PSME4: variants seen among roughly 807,000 people sequenced by gnomAD.
PSME4 encodes the protein proteasome activator complex subunit 4.
In PSME4, 89 loss-of-function variants were observed where a neutral mutation model predicts 253.9. That is an observed-to-expected ratio of 0.35 (90% CI 0.30 to 0.42). The LOEUF (loss-of-function observed/expected upper bound fraction) is 0.42. Ranked by LOEUF, PSME4 falls within the 10% of genes least tolerant of loss-of-function variation. The pLI is 1.00. For missense variants in PSME4, 2,014 were observed against 2,195.2 expected, an observed-to-expected ratio of 0.92 and a Z score of 1.65; for synonymous variants, 851 against 759.2, an observed-to-expected ratio of 1.12 and a Z score of -1.99.
chr2:53,889,104 A>G (rs544303557), intron 37 of PSME4, among the ~76,000 whole-genome samples: 30 of 152,234 alleles, frequency 2.0e-4, no homozygotes, highest in Admixed American at 6.5e-4. Flanking sequence ...GCCCCAAGCT[A>G]TCTTCCTGCC....
intron 1 of PSME4, among the ~76,000 whole-genome samples, chr2:53,960,653 T>C (rs1445337992): frequency 6.6e-6 from 1 of 152,200 alleles, no homozygotes; most frequent in African/African-American, 2.4e-5. Context: ...GGGGAAGTCA[T>C]TTAATCTCCA....
At chr2:53,886,230 A>G (rs1348224753) in intron 40 of PSME4, among the ~76,000 whole-genome samples, 1 of 152,182 alleles carries the variant, frequency 6.6e-6, no homozygotes, top group Non-Finnish European at 1.5e-5. Context: ...CAACATATGG[A>G]GACCCCTGTC....
At chr2:53,920,851 A>G (rs1293753424) in intron 18 of PSME4, 38 bp downstream of exon 18, 2 of 1,504,494 alleles carry the variant, frequency 1.3e-6, no homozygotes, top group Non-Finnish European at 1.8e-6. Flanking sequence ...ACAAAAAATC[A>G]ACATATTCTT....
chr2:53,958,183 CAA>C (rs1211892917), intron 1 of PSME4, among the ~76,000 whole-genome samples: 28 of 65,772 alleles, frequency 4.3e-4, no homozygotes, highest in African/African-American at 7.9e-4. Context: ...AAGACTCTGT[CAA>C]AAAAAAAAAA....
At chr2:53,954,913 C>T (rs1187131524) in intron 1 of PSME4, among the ~76,000 whole-genome samples, 1 of 151,970 alleles carries the variant, frequency 6.6e-6, no homozygotes, top group African/African-American at 2.4e-5. Context: ...GACACTGTGG[C>T]TCACGTCTAT....
chr2:53,948,261 T>C (rs1481444737), intron 3 of PSME4, among the ~76,000 whole-genome samples, 160 bp downstream of exon 3: 1 of 152,218 alleles, frequency 6.6e-6, no homozygotes, highest in Non-Finnish European at 1.5e-5. Flanking sequence ...ATACAGTTTA[T>C]AGAGGGCAAT....
intron 1 of PSME4, among the ~76,000 whole-genome samples, chr2:53,961,846 G>C (rs1275294636): frequency 1.3e-5 from 2 of 152,200 alleles, no homozygotes; most frequent in Non-Finnish European, 2.9e-5. Flanking sequence ...AAAGGAGACA[G>C]GGTCATTTAT....
chr2:53,905,166 A>T (rs1240847313), intron 26 of PSME4, among the ~76,000 whole-genome samples: 1 of 150,330 alleles, frequency 6.7e-6, no homozygotes, highest in Non-Finnish European at 1.5e-5. Context: ...TGTAGCTGGG[A>T]CTATAGGCGC....
chr2:53,919,140 T>G lies in PSME4; in HGVS notation c.2516+11A>C. On this transcript the variant is annotated intron_variant, in intron 20 of 46. Transcript: ENST00000404125. ...ATATATGTTAAGTGGAAAACAGTTA[T>G]TTTTACTTACAAGTTAGTAACTGGC... 6.2e-7 allele frequency: 1 copy of G among 1,603,636 alleles called. No individual in the cohort carries two copies. The highest frequency in any genetic ancestry group is 8.5e-7 in the Non-Finnish European group (1 of 1,175,660).
intron 41 of PSME4, among the ~76,000 whole-genome samples, chr2:53,880,118 T>C (rs576322648): frequency 6.6e-6 from 1 of 152,198 alleles, no homozygotes; most frequent in East Asian, 1.9e-4. Flanking sequence ...ATGAGCAGTA[T>C]AAGGGTATTT....
intron 21 of PSME4, among the ~76,000 whole-genome samples, chr2:53,909,185 CTAAT>C (rs558854476): frequency 1.8e-3 from 279 of 152,236 alleles, no homozygotes; most frequent in Non-Finnish European, 3.3e-3. Context: ...GCTCTAGTCA[CTAAT>C]TAGAGATTAA....
intron 3 of PSME4, among the ~76,000 whole-genome samples, chr2:53,945,589 T>C (rs1229301597): frequency 6.6e-6 from 1 of 152,146 alleles, no homozygotes; most frequent in African/African-American, 2.4e-5. Context: ...GAGAGGAAAG[T>C]TGATAATCTT....
In PSME4 at chr2:53,867,455, C is replaced by A. The variant is rs187621289; in HGVS notation, c.5264-575G>T. ...CAGAGGCTGCAGTGAGCCAAGATCG[C>A]ACCACTGTACTCCAGCCTGGGATAC... On this transcript the variant is annotated intron_variant, in intron 44 of 46. Coordinates refer to ENST00000404125, the MANE Select transcript of PSME4 (RefSeq NM_014614.3). Among the ~76,000 whole-genome samples, 120 of 148,158 alleles carry A rather than the reference C, an allele frequency of 8.1e-4. 1 individual carries two copies. Among genetic ancestry groups the A allele is most frequent in the African/African-American group, 2.9e-3 (117 of 39,938 alleles).
At chr2:53,899,604 G>A (rs1680299006) in intron 29 of PSME4, among the ~76,000 whole-genome samples, 1 of 151,750 alleles carries the variant, frequency 6.6e-6, no homozygotes, top group Admixed American at 6.6e-5. Flanking sequence ...GATCACTTGA[G>A]GCCAGGAGTT....
At chr2:53,928,515 A>G (rs964879673) in intron 10 of PSME4, among the ~76,000 whole-genome samples, 1 of 111,574 alleles carries the variant, frequency 9.0e-6, no homozygotes, top group African/African-American at 3.6e-5. Context: ...GGTTAACCAA[A>G]TATTTGTGTC....
intron 34 of PSME4, among the ~76,000 whole-genome samples, 178 bp from the exon 35 acceptor site, chr2:53,893,977 A>G (rs979943982): frequency 2.0e-5 from 3 of 152,204 alleles, no homozygotes; most frequent in African/African-American, 7.2e-5. Context: ...CCCTCTAAAA[A>G]TGCTAAAACA....
At chr2:53,918,945 C>T (rs1457765894) in intron 20 of PSME4, among the ~76,000 whole-genome samples, 1 of 152,118 alleles carries the variant, frequency 6.6e-6, no homozygotes, top group Non-Finnish European at 1.5e-5. Flanking sequence ...TAAAGTTATT[C>T]TATCCTGGTA....
Position 53,910,130 on chromosome 2 carries a change from T to A in PSME4, c.2517A>T (p.Leu839Phe). ...PPLKGEPVTN[L>F]VPSMVSLEET... Reference sequence around the variant, plus strand: ...CTTCCAAGGACACCATACTTGGTACTCTGTATAAAAACAAGAGTGCTTGCA... The same window carrying A: ...CTTCCAAGGACACCATACTTGGTACACTGTATAAAAACAAGAGTGCTTGCA... Residue 839 changes from leucine to phenylalanine, a missense_variant and splice_region_variant, in exon 21 of 47, where the codon TTA (leucine) becomes TTT (phenylalanine). Leu to Phe is a conservative substitution (Grantham distance 22, BLOSUM62 0). This residue lies in a region of PSME4 where 989 missense variants were observed against 1,021.1 expected (regional missense o/e 0.97). Coordinates refer to ENST00000404125, the MANE Select transcript of PSME4 (RefSeq NM_014614.3). The A allele has an allele frequency of 3.1e-6, 5 of 1,605,314 alleles. No individual in the cohort carries two copies. The highest frequency in any genetic ancestry group is 4.3e-6 in the Non-Finnish European group (5 of 1,172,050).
intron 40 of PSME4, among the ~76,000 whole-genome samples, chr2:53,886,753 T>C (rs1679656680): frequency 6.6e-6 from 1 of 152,024 alleles, no homozygotes; most frequent in South Asian, 2.1e-4. Context: ...TATACAAACA[T>C]CAATGTTCAG....
Sources: gnomAD v4.1 joint callset for allele counts (sites outside exome capture counted in the v4.1 genomes callset) on GRCh38, gnomAD v4.1.1 for gene constraint, gnomAD v4.1.1 regional missense constraint, MANE v1.5 for transcripts, NCBI Gene and HGNC (gene_info 2026-07-23, HGNC 2026-07-21) for gene names.